Variants in PRR5 observed in about 807,000 individuals in gnomAD.
The protein encoded by PRR5 is proline rich 5, also known as proline-rich protein 5.
In PRR5, 25 loss-of-function variants were observed where a neutral mutation model predicts 30.6. The observed-to-expected ratio is 0.82, with a 90% CI of 0.60 to 1.14. The LOEUF (loss-of-function observed/expected upper bound fraction) is 1.14, where lower values mean the gene tolerates loss of function less well. Among genes scored for constraint, PRR5 ranks in the 50% most tolerant of loss-of-function variants. The pLI is 0.00. For missense variants in PRR5, 600 were observed against 547.1 expected, an observed-to-expected ratio of 1.10 and a Z score of -0.96; for synonymous variants, 286 against 247.1, an observed-to-expected ratio of 1.16 and a Z score of -1.48.
chr22:44,677,232 C>T (rs1325425744), exon 1 of PRR5: 1 of 152,350 alleles, frequency 6.6e-6, no homozygotes, highest in Admixed American at 6.5e-5. Context: ...CCTCTCGGCA[C>T]CCAGCAAGGT....
At chr22:44,727,807 T>C (rs1412588699) in intron 4 of PRR5, among the ~76,000 whole-genome samples, 2 of 152,052 alleles carry the variant, frequency 1.3e-5, no homozygotes, top group Non-Finnish European at 2.9e-5. Flanking sequence ...TCACGTCCAC[T>C]GAACATGTTG....
chr22:44,669,458 G>A (rs1269027450), intron 1 of PRR5, among the ~76,000 whole-genome samples: 1 of 152,186 alleles, frequency 6.6e-6, no homozygotes, highest in African/African-American at 2.4e-5. Context: ...GGGCTGGAGC[G>A]CTTAGTGGTC....
chr22:44,703,333 G>A, intron 1 of PRR5, among the ~76,000 whole-genome samples: 1 of 125,630 alleles, frequency 8.0e-6, no homozygotes, highest in Non-Finnish European at 1.6e-5. Flanking sequence ...ACACTGTTCG[G>A]GGGAGGCTGT....
At chr22:44,736,473 AC>A (rs1186557994) in intron 7 of PRR5, among the ~76,000 whole-genome samples, 1 of 151,438 alleles carries the variant, frequency 6.6e-6, no homozygotes, top group African/African-American at 2.4e-5. Context: ...AAACTGAGGC[AC>A]GGGGGTGAGG....
chr22:44,708,796 G>A (rs563336427), intron 1 of PRR5, among the ~76,000 whole-genome samples: 8 of 151,784 alleles, frequency 5.3e-5, no homozygotes, highest in Non-Finnish European at 8.8e-5. Context: ...GTGAAACCCC[G>A]TCTCTACTAA....
intron 4 of PRR5, chr22:44,729,423 C>T (rs1013238350): frequency 6.1e-6 from 6 of 985,062 alleles, no homozygotes; most frequent in South Asian, 9.4e-5. Context: ...AAGGCTACTG[C>T]GGGGCCGCTC....
At chr22:44,730,539 C>A (rs1244304158) in intron 4 of PRR5, 2 of 988,952 alleles carry the variant, frequency 2.0e-6, no homozygotes, top group South Asian at 4.6e-5. Context: ...TGCATGGCAC[C>A]GTTCCTCTCA....
chr22:44,711,864 A>C (rs1021054809), intron 1 of PRR5, among the ~76,000 whole-genome samples: 4 of 151,946 alleles, frequency 2.6e-5, no homozygotes, highest in Non-Finnish European at 5.9e-5. Flanking sequence ...CCTCCAACCC[A>C]CCCCAACAGC....
At chr22:44,706,354 G>A (rs910720194) in intron 1 of PRR5, among the ~76,000 whole-genome samples, 1 of 152,174 alleles carries the variant, frequency 6.6e-6, no homozygotes, top group African/African-American at 2.4e-5. Context: ...CAGCCTCCTG[G>A]AGCTTAGAGT....
upstream of PRR5, chr22:44,702,171 C>CCCGCCCCTGGGCCCGCCCCCGGGT (rs1346723644): frequency 1.3e-5 from 11 of 818,600 alleles, no homozygotes; most frequent in African/African-American, 1.9e-5. Context: ...GGCGCCGAGA[C>CCCGCCCCTGGGCCCGCCCCCGGGT]CCGCCCCTGG....
In PRR5 at chr22:44,727,670, G is replaced by A. The variant is rs1329152705; in HGVS notation, c.322+1036G>A. Among the ~76,000 whole-genome samples, 4 of 152,168 alleles carry A rather than the reference G, an allele frequency of 2.6e-5. No homozygotes were observed. In the East Asian group the frequency reaches 5.8e-4, roughly 22 times the overall value. The stretch of plus-strand genomic sequence containing the variant: ...CATACTCTTCACTCTGCTGCCCCAG[G>A]CTCCTCCTCCAGGTCTCCCTCTGAC... On this transcript the variant is annotated intron_variant, in intron 4 of 7. Coordinates refer to ENST00000336985, the MANE Select transcript of PRR5 (RefSeq NM_181333.4).
At position 44,708,991 on chromosome 22, in the gene PRR5, A is replaced by G. The variant is rs868270162; in HGVS notation, c.135-5600A>G. Among the ~76,000 whole-genome samples the G allele has an allele frequency of 2.4e-3, 354 of 147,332 alleles. 1 individual carries two copies. Among genetic ancestry groups the G allele is most frequent in the Middle Eastern group, 0.014 (4 of 282 alleles). On this transcript the variant is annotated intron_variant, in intron 1 of 7. Transcript: ENST00000336985. ...CAAAAAAAAAAAAAAAAAAAAAAAAAAAGAAGGTACAAGGACTGCCCAGGT... is the reference window on the plus strand; with the variant it reads ...CAAAAAAAAAAAAAAAAAAAAAAAAGAAGAAGGTACAAGGACTGCCCAGGT...
At chr22:44,713,099 G>T (rs1928506780) in intron 1 of PRR5, among the ~76,000 whole-genome samples, 2 of 152,198 alleles carry the variant, frequency 1.3e-5, no homozygotes, top group South Asian at 4.1e-4. Context: ...AGCTCAGGAT[G>T]CCCGGGAGTG....
chr22:44,727,814 G>T (rs28607102), intron 4 of PRR5, among the ~76,000 whole-genome samples: 1 of 152,230 alleles, frequency 6.6e-6, no homozygotes, highest in African/African-American at 2.4e-5. Flanking sequence ...CACTGAACAT[G>T]TTGGGTGGGG....
intron 1 of PRR5, among the ~76,000 whole-genome samples, chr22:44,689,026 T>C (rs1925008916): frequency 6.6e-6 from 1 of 152,180 alleles, no homozygotes; most frequent in African/African-American, 2.4e-5. Flanking sequence ...AATATTATCA[T>C]GCTGGCCCCT....
chr22:44,731,883 C>G lies in PRR5; in HGVS notation c.414+62C>G. 1.1e-5 allele frequency: 17 copies of G among 1,541,574 alleles called. No homozygotes were observed. In the South Asian group the frequency reaches 1.7e-4, roughly 16 times the overall value. ...CCCTGCTGTGCCCACCCTGGCCTCA[C>G]TCTACAGAGGGGGGCCGCCAGGCTT... On this transcript the variant is annotated intron_variant, in intron 5 of 7. Transcript: ENST00000336985.
intron 7 of PRR5, among the ~76,000 whole-genome samples, chr22:44,735,713 G>A (rs561914710): frequency 1.1e-4 from 16 of 152,132 alleles, no homozygotes; most frequent in Non-Finnish European, 1.9e-4. Context: ...GGGGGAGGCC[G>A]ACCAGTGAGT....
chr22:44,724,708 G>A (rs1490603743), intron 2 of PRR5, among the ~76,000 whole-genome samples: 1 of 152,168 alleles, frequency 6.6e-6, no homozygotes, highest in Admixed American at 6.5e-5. Context: ...ACCTGGTCTG[G>A]TGTCTTGACC....
intron 2 of PRR5, among the ~76,000 whole-genome samples, chr22:44,721,458 AG>A (rs374764264): frequency 1.3e-5 from 2 of 152,232 alleles, no homozygotes; most frequent in African/African-American, 4.8e-5. Flanking sequence ...CAGAAGCTGA[AG>A]TTACAAAGTT....
Sources: allele counts gnomAD v4.1 joint callset (sites outside exome capture counted in the v4.1 genomes callset), GRCh38; gene constraint gnomAD v4.1.1; transcripts MANE v1.5; gene names NCBI Gene and HGNC (gene_info 2026-07-23, HGNC 2026-07-21).